The following CNTNAP2 variants were observed in gnomAD, a reference collection of about 807,000 sequenced individuals.
The protein encoded by CNTNAP2 is contactin associated protein 2, also known as contactin-associated protein-like 2.
A neutral mutation model predicts 155.2 loss-of-function variants in CNTNAP2; 98 were observed. The ratio of observed to expected loss-of-function variants is 0.63; its 90% confidence interval spans 0.54 to 0.75. The LOEUF is 0.75. Among genes scored for constraint, CNTNAP2 ranks in the 30% least tolerant of loss-of-function variants. The probability of loss-of-function intolerance (pLI) is 0.00; values close to 1 mark genes in which losing one functional copy is unlikely to be tolerated. For missense variants in CNTNAP2, 1,727 were observed against 1,688.1 expected (o/e 1.02, Z -0.40); for synonymous variants, 651 against 631.2 (o/e 1.03, Z -0.47).
At chr7:146,710,482 C>T (rs1437168114) in intron 1 of CNTNAP2, among the ~76,000 whole-genome samples, 1 of 152,090 alleles carries the variant, frequency 6.6e-6, no homozygotes, top group Non-Finnish European at 1.5e-5. Flanking sequence ...GAGAAACTAC[C>T]CAATAAGTAA....
intron 14 of CNTNAP2, among the ~76,000 whole-genome samples, chr7:147,960,739 A>C (rs181491178): frequency 2.6e-5 from 4 of 152,034 alleles, no homozygotes; most frequent in Non-Finnish European, 5.9e-5. Context: ...TGTGGTGCCC[A>C]GGGACTCTCT....
intron 1 of CNTNAP2, among the ~76,000 whole-genome samples, chr7:146,719,055 T>C (rs1470807799): frequency 2.0e-5 from 3 of 152,198 alleles, no homozygotes; most frequent in Non-Finnish European, 4.4e-5. Context: ...AAGATTTCTC[T>C]TACAAAAATA....
At chr7:146,977,553 C>A (rs1474192687) in intron 3 of CNTNAP2, among the ~76,000 whole-genome samples, 1 of 152,154 alleles carries the variant, frequency 6.6e-6, no homozygotes, top group Non-Finnish European at 1.5e-5. Context: ...AAGATAATAA[C>A]AGACAGTGTT....
intron 1 of CNTNAP2, among the ~76,000 whole-genome samples, chr7:146,273,414 T>A (rs530669970): frequency 6.6e-6 from 1 of 152,278 alleles, no homozygotes. Flanking sequence ...AGCTAGTAAG[T>A]ATTTCGGCTC....
In CNTNAP2 at chr7:148,415,849, C is replaced by CA. The variant is rs1360750723; in HGVS notation, c.*239dup. ...CCTTCTGTATCAAAACAAAATAATA[C>CA]AAAAAATGCTTTTAGAGTTTAAGCA... is the stretch of plus-strand genomic sequence containing the variant. On this transcript the variant is annotated 3_prime_UTR_variant, in exon 24 of 24. Coordinates refer to ENST00000361727, the MANE Select transcript of CNTNAP2 (RefSeq NM_014141.6). 37 of 592,690 alleles carry CA rather than the reference C, an allele frequency of 6.2e-5. 1 individual carries two copies. Among genetic ancestry groups the CA allele is most frequent in the South Asian group, 4.4e-4 (20 of 45,684 alleles). The allele number at this position is 592,690 out of a possible 1,614,324, so 36.7% of individuals were successfully genotyped here. A position where few individuals can be genotyped will look rare whatever the true frequency, so the allele number is the denominator to read the frequency against.
At chr7:147,860,426 C>A (rs1333761228) in intron 13 of CNTNAP2, among the ~76,000 whole-genome samples, 2 of 150,834 alleles carry the variant, frequency 1.3e-5, no homozygotes. Context: ...TCCGTCTCAA[C>A]AACAACAAAA....
At position 147,552,571 on chromosome 7, in the gene CNTNAP2, A is replaced by AACACACAC. The variant is rs34755315; in HGVS notation, c.1778-9537_1778-9530dup. On this transcript the variant is annotated intron_variant, in intron 11 of 23. Coordinates refer to ENST00000361727, the MANE Select transcript of CNTNAP2 (RefSeq NM_014141.6). The stretch of plus-strand genomic sequence containing the variant: ...TTCTTTACTCCATTTTACTTTCCTC[A>AACACACAC]ACACACACACACACACACACACACA... Among the ~76,000 whole-genome samples, 745 of 142,972 alleles carry AACACACAC rather than the reference A, an allele frequency of 5.2e-3. 6 individuals carry two copies. Among genetic ancestry groups the AACACACAC allele is most frequent in the African/African-American group, 0.019 (712 of 37,638 alleles). 93.8% of individuals were successfully genotyped at this position (142,972 alleles called of 152,430 possible).
intron 2 of CNTNAP2, among the ~76,000 whole-genome samples, chr7:146,806,164 C>A (rs530497568): frequency 3.3e-5 from 5 of 152,098 alleles, no homozygotes; most frequent in African/African-American, 1.2e-4. Context: ...CTTTGTGTCT[C>A]TAGGGTAGGT....
intron 12 of CNTNAP2, among the ~76,000 whole-genome samples, chr7:147,596,353 C>A (rs1439643796): frequency 6.6e-6 from 1 of 152,116 alleles, no homozygotes; most frequent in African/African-American, 2.4e-5. Context: ...CTGCCATCAC[C>A]CTGATTGTAG....
intron 10 of CNTNAP2, among the ~76,000 whole-genome samples, chr7:147,452,562 G>T (rs1453782934): frequency 6.6e-6 from 1 of 152,098 alleles, no homozygotes; most frequent in Middle Eastern, 3.2e-3. Flanking sequence ...CTAATAAAAA[G>T]TAATAAGGAG....
chr7:146,155,591 G>A (rs1414105287), intron 1 of CNTNAP2, among the ~76,000 whole-genome samples: 2 of 151,570 alleles, frequency 1.3e-5, no homozygotes, highest in Non-Finnish European at 1.5e-5. Flanking sequence ...AGGAATAGAG[G>A]TTAAGAAGAA....
intron 13 of CNTNAP2, among the ~76,000 whole-genome samples, chr7:147,871,483 G>T (rs1191779252): frequency 6.6e-6 from 1 of 152,150 alleles, no homozygotes; most frequent in East Asian, 1.9e-4. Flanking sequence ...AGACGTCAGT[G>T]CCAGAAGGTC....
intron 3 of CNTNAP2, among the ~76,000 whole-genome samples, chr7:147,020,844 G>A (rs1798805761): frequency 6.6e-6 from 1 of 152,134 alleles, no homozygotes; most frequent in Non-Finnish European, 1.5e-5. Flanking sequence ...AGAAAGGCAT[G>A]GAGTGGGATA....
At chr7:147,300,805 G>A (rs1281065237) in intron 9 of CNTNAP2, among the ~76,000 whole-genome samples, 3 of 152,050 alleles carry the variant, frequency 2.0e-5, no homozygotes, top group Non-Finnish European at 2.9e-5. Context: ...GTTGGTGCTG[G>A]CTGGGATGCC....
intron 3 of CNTNAP2, among the ~76,000 whole-genome samples, chr7:146,873,484 C>T (rs1795356243): frequency 6.6e-6 from 1 of 151,902 alleles, no homozygotes; most frequent in Non-Finnish European, 1.5e-5. Context: ...TGCTGTGTGC[C>T]AGGGACTTTT....
At chr7:147,180,895 T>C (rs994501923) in intron 8 of CNTNAP2, among the ~76,000 whole-genome samples, 1 of 152,184 alleles carries the variant, frequency 6.6e-6, no homozygotes, top group African/African-American at 2.4e-5. Flanking sequence ...GAAAACATTA[T>C]AAAATAGCAA....
intron 13 of CNTNAP2, among the ~76,000 whole-genome samples, chr7:147,720,660 C>A (rs1456255716): frequency 6.6e-6 from 1 of 152,008 alleles, no homozygotes; most frequent in Non-Finnish European, 1.5e-5. Context: ...CTCAGGAGAT[C>A]CGATGGTTTT....
At chr7:147,390,976 A>G (rs1449677211) in intron 9 of CNTNAP2, among the ~76,000 whole-genome samples, 2 of 152,138 alleles carry the variant, frequency 1.3e-5, no homozygotes, top group Admixed American at 6.6e-5. Context: ...CCATCTGCTC[A>G]AATTCCAGGA....
At chr7:147,905,245 A>G (rs1799940317) in intron 14 of CNTNAP2, among the ~76,000 whole-genome samples, 1 of 152,166 alleles carries the variant, frequency 6.6e-6, no homozygotes, top group African/African-American at 2.4e-5. Context: ...CTACCTCTTC[A>G]GGAAGCTGAC....
Sources: gnomAD v4.1 joint callset for allele counts (sites outside exome capture counted in the v4.1 genomes callset) on GRCh38, gnomAD v4.1.1 for gene constraint, MANE v1.5 for transcripts, NCBI Gene and HGNC (gene_info 2026-07-23, HGNC 2026-07-21) for gene names.